Variants in TTC28 observed in about 807,000 individuals in gnomAD.
TTC28 encodes the protein tetratricopeptide repeat protein 28.
In TTC28, 61 loss-of-function variants were observed where a neutral mutation model predicts 198.0. The observed-to-expected ratio is 0.31, with a 90% confidence interval of 0.25 to 0.38. The LOEUF is 0.38. TTC28 is among the 10% of genes least tolerant of loss of function. The pLI is 1.00. For missense variants in TTC28, 2,678 were observed against 3,164.0 expected (o/e 0.85, Z 3.69); for synonymous variants, 1,171 against 1,297.8 (o/e 0.90, Z 2.10).
chr22:28,337,094 T>C (rs1443887083), intron 2 of TTC28, among the ~76,000 whole-genome samples: 1 of 152,256 alleles, frequency 6.6e-6, no homozygotes, highest in East Asian at 1.9e-4. Flanking sequence ...CATTTCGTTA[T>C]GTACCCAGTA....
chr22:28,085,112 C>T (rs987164710), intron 12 of TTC28, among the ~76,000 whole-genome samples: 1 of 151,896 alleles, frequency 6.6e-6, no homozygotes, highest in Non-Finnish European at 1.5e-5. Context: ...GGAGAACTTC[C>T]CCAATCTAGC....
chr22:28,039,214 T>G (rs1323109759), intron 12 of TTC28, among the ~76,000 whole-genome samples: 2 of 152,178 alleles, frequency 1.3e-5, no homozygotes, highest in Admixed American at 6.5e-5. Flanking sequence ...TGAAGACACA[T>G]GCACACGTAT....
chr22:28,461,038 C>T (rs1187800725), intron 2 of TTC28, among the ~76,000 whole-genome samples: 4 of 152,156 alleles, frequency 2.6e-5, no homozygotes, highest in Non-Finnish European at 4.4e-5. Context: ...TTAATTGACC[C>T]ACTAGTAGGA....
chr22:28,568,591 A>T (rs889628194), intron 2 of TTC28, among the ~76,000 whole-genome samples: 10 of 152,194 alleles, frequency 6.6e-5, no homozygotes, highest in African/African-American at 2.4e-4. Context: ...AGCCAAATCA[A>T]GAATGCAATC....
At chr22:28,386,975 C>A (rs898850578) in intron 2 of TTC28, among the ~76,000 whole-genome samples, 1 of 152,088 alleles carries the variant, frequency 6.6e-6, no homozygotes, top group South Asian at 2.1e-4. Flanking sequence ...GTATATCACC[C>A]AATGCTATCC....
At chr22:28,405,643 G>A (rs1378255965) in intron 2 of TTC28, among the ~76,000 whole-genome samples, 2 of 152,162 alleles carry the variant, frequency 1.3e-5, no homozygotes, top group African/African-American at 4.8e-5. Context: ...TCTCTGGGAA[G>A]CTAAATTTCC....
At chr22:28,426,326 G>A (rs16986409) in intron 2 of TTC28, among the ~76,000 whole-genome samples, 2,413 of 151,992 alleles carry the variant, frequency 0.016, 84 homozygotes, top group African/African-American at 0.056. Context: ...ACCTTCCTTT[G>A]GTTATCTTCA....
At chr22:28,498,028 G>A (rs909373762) in intron 2 of TTC28, among the ~76,000 whole-genome samples, 7 of 151,684 alleles carry the variant, frequency 4.6e-5, no homozygotes, top group Non-Finnish European at 7.4e-5. Context: ...GTCTTATAAA[G>A]ACACAAATTT....
rs903448341 is a variant in TTC28, at chr22:28,043,265, A to G, written c.3933-12899T>C. Among the ~76,000 whole-genome samples, 1,072 of 149,636 alleles carry G rather than the reference A, an allele frequency of 7.2e-3. 12 individuals carry two copies. The highest frequency in any genetic ancestry group is 0.012 in the Non-Finnish European group (776 of 67,348). ...CTCAAAAAAAAAAAAAAAAAAAAAA[A>G]AAAAGAAAAGATATTGCCTCCCTGA... On this transcript the variant is annotated intron_variant, in intron 12 of 22. Transcript: ENST00000397906.
In TTC28 at chr22:28,226,499, TCA is replaced by T. The variant is rs1928350469; in HGVS notation, c.934-62902_934-62901del. ...TGGAGTGCAGTGGTGCAATCTCAGC[TCA>T]CTGCAACTTCTGCCTCCCAGGTTCA... On this transcript the variant is annotated intron_variant, in intron 5 of 22. Transcript: ENST00000397906. 1.5e-4 allele frequency among the ~76,000 whole-genome samples: 23 copies of T among 152,236 alleles called. 1 individual carries two copies. In the South Asian group the frequency reaches 4.6e-3, roughly 30 times the overall value.
At chr22:28,643,799 T>C (rs1220739233) in intron 1 of TTC28, among the ~76,000 whole-genome samples, 1 of 152,160 alleles carries the variant, frequency 6.6e-6, no homozygotes, top group Non-Finnish European at 1.5e-5. Flanking sequence ...TGCATCCAAA[T>C]AAGGATAAGA....
chr22:28,603,101 A>C (rs1398702562), intron 2 of TTC28, among the ~76,000 whole-genome samples: 1 of 152,000 alleles, frequency 6.6e-6, no homozygotes, highest in Non-Finnish European at 1.5e-5. Context: ...GGATGATCTC[A>C]ATCTCTTGAC....
intron 21 of TTC28, 66 bp downstream of exon 21, chr22:27,989,812 G>A: frequency 1.3e-6 from 2 of 1,512,900 alleles, no homozygotes; most frequent in African/African-American, 1.4e-5. Flanking sequence ...CAGAAACCAG[G>A]AGGAAAAACA....
intron 2 of TTC28, among the ~76,000 whole-genome samples, chr22:28,417,636 T>C (rs1237695747): frequency 1.3e-5 from 2 of 152,202 alleles, no homozygotes; most frequent in African/African-American, 4.8e-5. Flanking sequence ...GTTCACATAG[T>C]TTTATTACCA....
chr22:28,339,985 C>T (rs1050009181), intron 2 of TTC28, among the ~76,000 whole-genome samples: 2 of 152,184 alleles, frequency 1.3e-5, no homozygotes, highest in African/African-American at 4.8e-5. Context: ...GCGTCGCCTA[C>T]GCTGGGAGCT....
At chr22:28,142,390 G>A (rs886984429) in intron 6 of TTC28, among the ~76,000 whole-genome samples, 42 of 152,300 alleles carry the variant, frequency 2.8e-4, no homozygotes, top group African/African-American at 9.9e-4. Flanking sequence ...GCAGAATACT[G>A]TCACACAGAC....
At chr22:28,574,756 T>C (rs980071617) in intron 2 of TTC28, among the ~76,000 whole-genome samples, 2 of 152,212 alleles carry the variant, frequency 1.3e-5, no homozygotes, top group Non-Finnish European at 2.9e-5. Context: ...TAATTTTGAT[T>C]TGCATTTTTC....
intron 13 of TTC28, among the ~76,000 whole-genome samples, chr22:28,029,559 T>C (rs745762874): frequency 4.6e-5 from 7 of 152,176 alleles, no homozygotes; most frequent in Non-Finnish European, 1.0e-4. Flanking sequence ...CAAACAACAG[T>C]GGGACAGGTG....
At chr22:28,387,162 AG>A (rs1225735419) in intron 2 of TTC28, among the ~76,000 whole-genome samples, 8 of 152,214 alleles carry the variant, frequency 5.3e-5, no homozygotes, top group Non-Finnish European at 1.0e-4. Context: ...GTCCCTACAA[AG>A]GACGTGAACT....
Sources: allele counts gnomAD v4.1 joint callset (sites outside exome capture counted in the v4.1 genomes callset), GRCh38; gene constraint gnomAD v4.1.1; transcripts MANE v1.5; gene names NCBI Gene and HGNC (gene_info 2026-07-23, HGNC 2026-07-21).